The following PCDH17 variants were observed in gnomAD, a reference collection of about 807,000 sequenced individuals.
The protein encoded by PCDH17 is protocadherin 17.
In PCDH17, 21 loss-of-function variants were observed where a neutral mutation model predicts 67.7. That is an observed-to-expected ratio of 0.31 (90% CI 0.22 to 0.45). PCDH17 has a LOEUF of 0.45. Ranked by LOEUF, PCDH17 falls within the 20% of genes least tolerant of loss-of-function variation. The pLI, the probability that PCDH17 is intolerant of heterozygous loss-of-function variation, is 1.00. For missense variants in PCDH17, 1,471 were observed against 1,564.8 expected, an observed-to-expected ratio of 0.94 and a Z score of 1.01; for synonymous variants, 701 against 656.7, an observed-to-expected ratio of 1.07 and a Z score of -1.03.
At chr13:57,674,592 G>T (rs764716018) in intron 3 of PCDH17, among the ~76,000 whole-genome samples, 1 of 151,892 alleles carries the variant, frequency 6.6e-6, no homozygotes, top group African/African-American at 2.4e-5. Context: ...CTCCCAAAGT[G>T]CTGGGGTCAC....
In PCDH17 at chr13:57,634,893, A is replaced by G; in HGVS notation, c.2347A>G (p.Met783Val). 1 of 1,614,016 alleles carries G rather than the reference A, an allele frequency of 6.2e-7. No homozygotes were observed. Among genetic ancestry groups the G allele is most frequent in the Non-Finnish European group, 8.5e-7 (1 of 1,179,998 alleles). ...GGAGGAGAGGAACGCCATGAACGTC[A>G]TGAACGTGGTGAGCAGCCCCTCCCT... Reference protein sequence around the residue: ...EVEERNAMNVMNVVSSPSLAT... With the variant: ...EVEERNAMNVVNVVSSPSLAT... Residue 783 changes from methionine (M) to valine (V), a missense_variant, in exon 1 of 4, where the codon ATG becomes GTG. By Grantham distance (21) the Met-to-Val change is conservative. Coordinates refer to ENST00000377918, the MANE Select transcript of PCDH17 (RefSeq NM_001040429.3). The surrounding 1 kb of genome is among the most constrained non-coding windows in gnomAD (Gnocchi z 7.8).
intron 3 of PCDH17, among the ~76,000 whole-genome samples, chr13:57,715,380 T>C (rs957294699): frequency 6.6e-6 from 1 of 151,846 alleles, no homozygotes; most frequent in Non-Finnish European, 1.5e-5. Context: ...AAAGCGTCTG[T>C]TCAAATTCAG....
chr13:57,656,016 A>G (rs1479571584), intron 1 of PCDH17, among the ~76,000 whole-genome samples: 1 of 152,142 alleles, frequency 6.6e-6, no homozygotes, highest in African/African-American at 2.4e-5. Flanking sequence ...TCATTGTTCT[A>G]TAATAAATTG....
intron 3 of PCDH17, among the ~76,000 whole-genome samples, chr13:57,675,741 T>C (rs1320138444): frequency 6.6e-6 from 1 of 151,758 alleles, no homozygotes; most frequent in Non-Finnish European, 1.5e-5. Flanking sequence ...ACTAGGGAGG[T>C]GGCTGGAAGC....
At position 57,674,469 on chromosome 13, in the gene PCDH17, C is replaced by T. The variant is rs560551440; in HGVS notation, c.2797+7636C>T. Among the ~76,000 whole-genome samples the T allele has an allele frequency of 5.9e-5, 9 of 151,866 alleles. No individual in the cohort carries two copies. The South Asian group carries it at 8.3e-4, about 14-fold the overall frequency. ...AGCCTTCAAAGTAGGACTACAGACA[C>T]ACACACCACTATACCTGGCTAATTT... On this transcript the variant is annotated intron_variant, in intron 3 of 3. Coordinates refer to ENST00000377918, the MANE Select transcript of PCDH17 (RefSeq NM_001040429.3).
intron 1 of PCDH17, among the ~76,000 whole-genome samples, chr13:57,663,299 C>G (rs900052060): frequency 6.6e-6 from 1 of 152,042 alleles, no homozygotes; most frequent in Non-Finnish European, 1.5e-5. Context: ...TGTAAATATT[C>G]GTGTTTAATT....
chr13:57,634,868 G>A lies in PCDH17; in HGVS notation c.2322G>A (p.Val774=). The A allele has an allele frequency of 6.2e-7, 1 of 1,614,074 alleles. No homozygotes were observed. The highest frequency in any genetic ancestry group is 8.5e-7 in the Non-Finnish European group (1 of 1,180,012). The change falls in exon 1 of 4, where the codon GTG becomes GTA. Residue 774 remains valine (V), a synonymous_variant. Coordinates refer to ENST00000377918, the MANE Select transcript of PCDH17 (RefSeq NM_001040429.3). This position sits in a 1 kb window ranked among gnomAD's most constrained non-coding sequence, Gnocchi z 7.8. ...KNDIMLVQSE[V]EERNAMNVMN... is the part of the protein sequence containing the mutation. ...ATATCATGCTGGTGCAGAGCGAAGT[G>A]GAGGAGAGGAACGCCATGAACGTCA...
chr13:57,658,004 AATGTCTTCGTCT>A (rs1236893215), intron 1 of PCDH17, among the ~76,000 whole-genome samples: 5 of 152,198 alleles, frequency 3.3e-5, no homozygotes, highest in African/African-American at 1.2e-4. Flanking sequence ...TAGAATTAAA[AATGTCTTCGTCT>A]TTATATTTCA....
chr13:57,675,161 C>A (rs1220007945), intron 3 of PCDH17, among the ~76,000 whole-genome samples: 4 of 151,870 alleles, frequency 2.6e-5, no homozygotes, highest in Non-Finnish European at 5.9e-5. Context: ...GATCCTTTAA[C>A]ATATATTGAA....
At chr13:57,717,900 T>A (rs889518302) in intron 3 of PCDH17, among the ~76,000 whole-genome samples, 1 of 152,022 alleles carries the variant, frequency 6.6e-6, no homozygotes, top group Non-Finnish European at 1.5e-5. Flanking sequence ...ATGGGGCTGA[T>A]TTTTTAAAAA....
chr13:57,705,070 A>G (rs1401059661), intron 3 of PCDH17, among the ~76,000 whole-genome samples: 17 of 152,126 alleles, frequency 1.1e-4, no homozygotes, highest in Non-Finnish European at 2.2e-4. Context: ...CACAACATTT[A>G]TTTCATGAAA....
At chr13:57,656,347 G>A (rs935805190) in intron 1 of PCDH17, among the ~76,000 whole-genome samples, 15 of 151,944 alleles carry the variant, frequency 9.9e-5, no homozygotes, top group African/African-American at 3.4e-4. Flanking sequence ...ATGTATTTTC[G>A]CTTATTAGCA....
chr13:57,705,309 T>C (rs1955711818), intron 3 of PCDH17, among the ~76,000 whole-genome samples: 1 of 152,058 alleles, frequency 6.6e-6, no homozygotes, highest in Non-Finnish European at 1.5e-5. Flanking sequence ...AATAAATGTA[T>C]AAATATGAAA....
intron 1 of PCDH17, among the ~76,000 whole-genome samples, chr13:57,648,646 T>G (rs1954997267): frequency 6.6e-6 from 1 of 152,042 alleles, no homozygotes; most frequent in Admixed American, 6.6e-5. Flanking sequence ...TTAACATTTC[T>G]GTTAACTAGA....
intron 3 of PCDH17, among the ~76,000 whole-genome samples, chr13:57,676,622 C>T (rs1402509409): frequency 6.6e-6 from 1 of 151,686 alleles, no homozygotes; most frequent in Non-Finnish European, 1.5e-5. Context: ...ATAACAGAAT[C>T]CCATAGAACA....
intron 3 of PCDH17, among the ~76,000 whole-genome samples, chr13:57,682,594 G>T (rs960655381): frequency 1.3e-5 from 2 of 151,760 alleles, no homozygotes; most frequent in African/African-American, 2.4e-5. Context: ...GGAAAGAGGC[G>T]TCTAGTGCTG....
chr13:57,656,413 C>T (rs1955104495), intron 1 of PCDH17, among the ~76,000 whole-genome samples: 1 of 151,960 alleles, frequency 6.6e-6, no homozygotes, highest in South Asian at 2.1e-4. Context: ...CCATAAGACT[C>T]AGAATTCTTA....
At chr13:57,693,130 C>T (rs1288247539) in intron 3 of PCDH17, among the ~76,000 whole-genome samples, 1 of 150,168 alleles carries the variant, frequency 6.7e-6, no homozygotes. Context: ...TTTCCACTTT[C>T]ATTTATTTCC....
intron 1 of PCDH17, among the ~76,000 whole-genome samples, chr13:57,635,325 T>A (rs995543556): frequency 2.6e-5 from 4 of 152,236 alleles, no homozygotes; most frequent in African/African-American, 9.6e-5. Context: ...AACGTAAATA[T>A]CTTACTGTTT....
Sources: allele counts gnomAD v4.1 joint callset (sites outside exome capture counted in the v4.1 genomes callset), GRCh38; gene constraint gnomAD v4.1.1; non-coding constraint Gnocchi (gnomAD v3.1); transcripts MANE v1.5; gene names NCBI Gene and HGNC (gene_info 2026-07-23, HGNC 2026-07-21).